DERL1: variants seen among roughly 807,000 people sequenced by gnomAD.
DERL1 encodes derlin 1.
A neutral mutation model predicts 41.6 loss-of-function variants in DERL1; 24 were observed. That is an observed-to-expected ratio of 0.58 (90% CI 0.42 to 0.81). The LOEUF is 0.81. DERL1 is among the 30% of genes least tolerant of loss of function. The pLI is 0.00. For missense variants in DERL1, 260 were observed against 314.3 expected (o/e 0.83, Z 1.31); for synonymous variants, 124 against 112.5 (o/e 1.10, Z -0.65).
Position 123,015,424 on chromosome 8 carries a change from A to C in DERL1, c.*23T>G. 6.2e-7 allele frequency: 1 copy of C among 1,608,926 alleles called. No individual in the cohort carries two copies. The highest frequency in any genetic ancestry group is 1.1e-5 in the South Asian group (1 of 89,806). ...CTGGGAGGAAATGTGGCTTGAGAGG[A>C]GCGGCTGCCCGAGGCCGCCCCTTCA... On this transcript the variant is annotated 3_prime_UTR_variant, in exon 8 of 8. Transcript: ENST00000259512.
chr8:123,039,324 T>C (rs750711093), intron 1 of DERL1, among the ~76,000 whole-genome samples: 5 of 152,208 alleles, frequency 3.3e-5, no homozygotes, highest in Non-Finnish European at 5.9e-5. Context: ...AAAGACTTCA[T>C]AGTGCCCTCA....
chr8:123,021,584 A>T (rs1586460258), intron 5 of DERL1, 85 bp from the exon 6 acceptor site: 1 of 1,224,918 alleles, frequency 8.2e-7, no homozygotes, highest in South Asian at 1.2e-5. Flanking sequence ...GGGTAAGGAT[A>T]CACTGACAAG....
Position 123,019,604 on chromosome 8 carries a change from G to A in DERL1, c.507-299C>T, listed in dbSNP as rs78643029. 1.2e-3 allele frequency among the ~76,000 whole-genome samples: 176 copies of A among 152,328 alleles called. 1 individual carries two copies. Among genetic ancestry groups the A allele is most frequent in the Middle Eastern group, 3.4e-3 (1 of 294 alleles). ...GTTTTTGCTACTTCCTGCCTCAAGA[G>A]TTGGGGAAGTTGCAAAGCATGCTTC... On this transcript the variant is annotated intron_variant, in intron 6 of 7. Transcript: ENST00000259512.
intron 1 of DERL1, among the ~76,000 whole-genome samples, chr8:123,037,972 G>A (rs1812963643): frequency 6.6e-6 from 1 of 152,192 alleles, no homozygotes; most frequent in Admixed American, 6.5e-5. Context: ...TTTCATTATT[G>A]TGAACTATTT....
intron 2 of DERL1, 64 bp from the exon 3 acceptor site, chr8:123,025,114 G>A (rs1328410391): frequency 1.2e-5 from 18 of 1,515,874 alleles, no homozygotes; most frequent in Non-Finnish European, 1.5e-5. Flanking sequence ...CATCTACATA[G>A]AGAAACACTT....
chr8:123,041,671 T>C (rs1449156959), intron 1 of DERL1, among the ~76,000 whole-genome samples: 1 of 152,198 alleles, frequency 6.6e-6, no homozygotes, highest in Non-Finnish European at 1.5e-5. Context: ...GATTGACAAC[T>C]ACCAACGACT....
chr8:123,040,183 A>G (rs10094426), intron 1 of DERL1, among the ~76,000 whole-genome samples: 33,952 of 152,042 alleles, frequency 0.22, 3,884 homozygotes, highest in African/African-American at 0.27. Context: ...CGCCATATAC[A>G]CTCCAGCCTG....
chr8:123,038,918 C>T (rs1812988182), intron 1 of DERL1, among the ~76,000 whole-genome samples: 1 of 152,216 alleles, frequency 6.6e-6, no homozygotes, highest in Non-Finnish European at 1.5e-5. Flanking sequence ...TGAAAAGCAT[C>T]TCAAGACTTA....
At chr8:123,034,836 A>T (rs1812891159) in intron 1 of DERL1, among the ~76,000 whole-genome samples, 1 of 152,202 alleles carries the variant, frequency 6.6e-6, no homozygotes, top group African/African-American at 2.4e-5. Flanking sequence ...GGACCCTTGG[A>T]AAAGTATGGA....
intron 3 of DERL1, among the ~76,000 whole-genome samples, 170 bp from the exon 4 acceptor site, chr8:123,023,909 G>A (rs776915536): frequency 2.0e-5 from 3 of 152,162 alleles, no homozygotes; most frequent in Admixed American, 2.0e-4. Flanking sequence ...CTTGAGGCCA[G>A]GAGCTCCAGA....
At chr8:123,035,714 CTA>C (rs1812911721) in intron 1 of DERL1, among the ~76,000 whole-genome samples, 1 of 152,300 alleles carries the variant, frequency 6.6e-6, no homozygotes, top group East Asian at 1.9e-4. Flanking sequence ...GTGCTCACTG[CTA>C]TATACACCCT....
intron 3 of DERL1, among the ~76,000 whole-genome samples, chr8:123,024,738 G>T (rs1176625327): frequency 1.3e-5 from 2 of 152,156 alleles, no homozygotes; most frequent in Non-Finnish European, 2.9e-5. Context: ...GGAACAAGAA[G>T]AGGGAACAGT....
chr8:123,030,575 C>G (rs1812799970), intron 2 of DERL1, 30 bp downstream of exon 2: 3 of 1,464,804 alleles, frequency 2.0e-6, no homozygotes, highest in Middle Eastern at 3.5e-4. Flanking sequence ...GAGAAAGAAA[C>G]AATGCTTAAA....
intron 6 of DERL1, 78 bp downstream of exon 6, chr8:123,021,368 TA>T: frequency 2.3e-6 from 3 of 1,329,402 alleles, no homozygotes; most frequent in Non-Finnish European, 2.2e-6. Flanking sequence ...TAAAGTTGTA[TA>T]AAGGTTAGAG....
chr8:123,028,227 C>T (rs964388052), intron 2 of DERL1, among the ~76,000 whole-genome samples: 2 of 152,036 alleles, frequency 1.3e-5, no homozygotes, highest in Middle Eastern at 3.4e-3. Context: ...TGGAGGACAG[C>T]AATAGATATA....
intron 1 of DERL1, among the ~76,000 whole-genome samples, chr8:123,032,468 T>C (rs1940263022): frequency 1.3e-5 from 2 of 152,228 alleles, no homozygotes; most frequent in Non-Finnish European, 1.5e-5. Flanking sequence ...TTTCTCTTTC[T>C]CATCATTGCA....
intron 1 of DERL1, among the ~76,000 whole-genome samples, chr8:123,032,863 C>CTTTTTTT (rs200724608): frequency 2.4e-4 from 29 of 122,038 alleles, no homozygotes; most frequent in Non-Finnish European, 4.1e-4. Flanking sequence ...TTTCTATTTT[C>CTTTTTTT]TTTTTTTTTT....
intron 2 of DERL1, among the ~76,000 whole-genome samples, chr8:123,028,063 C>CAA (rs35730113): frequency 1.1e-4 from 11 of 101,218 alleles, no homozygotes; most frequent in Non-Finnish European, 8.2e-5. Flanking sequence ...AACTGTATCT[C>CAA]AAAAAAAAAA....
chr8:123,041,950 C>T lies in DERL1; in HGVS notation c.153+20G>A, dbSNP rs1488803229. The T allele has an allele frequency of 6.3e-7, 1 of 1,592,096 alleles. No individual in the cohort carries two copies. The highest frequency in any genetic ancestry group is 1.3e-5 in the African/African-American group (1 of 74,596). ...CTCCTGGGGCCTGTAGTCTCCACGC[C>T]CCCCGTCTCCGGTAAGTACCTGAAA... is the stretch of plus-strand genomic sequence containing the variant. On this transcript the variant is annotated intron_variant, in intron 1 of 7. Transcript: ENST00000259512.
Sources: allele counts gnomAD v4.1 joint callset (sites outside exome capture counted in the v4.1 genomes callset), GRCh38; gene constraint gnomAD v4.1.1; transcripts MANE v1.5; gene names NCBI Gene and HGNC (gene_info 2026-07-23, HGNC 2026-07-21).